Variants in GSE1 observed in about 807,000 individuals in gnomAD.
GSE1 encodes the protein genetic suppressor element 1.
A neutral mutation model predicts 112.6 loss-of-function variants in GSE1; 32 were observed. The ratio of observed to expected loss-of-function variants is 0.28; its 90% CI spans 0.21 to 0.38. The LOEUF is 0.38. Ranked by LOEUF, GSE1 falls within the 10% of genes least tolerant of loss-of-function variation. The pLI, the probability that GSE1 is intolerant of heterozygous loss-of-function variation, is 1.00. For missense variants in GSE1, 2,348 were observed against 1,699.2 expected (o/e 1.38, Z -6.71); for synonymous variants, 1,115 against 735.6 (o/e 1.52, Z -8.35).
At chr16:85,641,635 A>G (rs1598518424) in intron 2 of GSE1, among the ~76,000 whole-genome samples, 1 of 152,348 alleles carries the variant, frequency 6.6e-6, no homozygotes, top group South Asian at 2.1e-4. Context: ...TGACTCCAGA[A>G]GGTTTCCCAG....
At chr16:85,648,102 G>C (rs946482559) in intron 2 of GSE1, among the ~76,000 whole-genome samples, 2 of 151,990 alleles carry the variant, frequency 1.3e-5, no homozygotes, top group Non-Finnish European at 2.9e-5. Context: ...TGTGTCCTGG[G>C]ATGTCCACAG....
At chr16:85,331,333 GT>G (rs2046336458) in intron 1 of GSE1, among the ~76,000 whole-genome samples, 1 of 73,502 alleles carries the variant, frequency 1.4e-5, no homozygotes, top group Non-Finnish European at 3.0e-5. Context: ...CTGTGTGTGT[GT>G]GTGTGTGTGT....
chr16:85,661,675 T>C lies in GSE1; in HGVS notation c.2170T>C (p.Tyr724His). ...AGTGCCACGGGCCCCCGACCCTGCCTACATCTATGATGAGTTCCTGCAGCA... is the reference window on the plus strand; with the variant it reads ...AGTGCCACGGGCCCCCGACCCTGCCCACATCTATGATGAGTTCCTGCAGCA... ...PPVPRAPDPA[Y>H]IYDEFLQQRR... Residue 724 changes from tyrosine to histidine, a missense_variant, in exon 9 of 16, where the codon TAC becomes CAC. Tyr to His is a moderately conservative substitution (Grantham distance 83, BLOSUM62 2). Coordinates refer to ENST00000253458, the MANE Select transcript of GSE1 (RefSeq NM_014615.5). The C allele has an allele frequency of 6.2e-7, 1 of 1,610,658 alleles. No homozygotes were observed. Among genetic ancestry groups the C allele is most frequent in the Non-Finnish European group, 8.5e-7 (1 of 1,179,158 alleles).
In GSE1 at chr16:85,359,459, T is replaced by C. The variant is rs948857582; in HGVS notation, c.2464+1816T>C. 4 of 454,508 alleles carry C rather than the reference T, an allele frequency of 8.8e-6. No individual in the cohort carries two copies. In the Admixed American group the frequency reaches 9.5e-5, roughly 11 times the overall value. The allele number at this position is 454,508 out of a possible 1,614,324, so 28.2% of individuals were successfully genotyped here. On this transcript the variant is annotated intron_variant, in intron 2 of 2. Coordinates refer to the GSE1 transcript ENST00000637419. ...GGAGCAGGCCCACCCACTTCTTATC[T>C]GAGGGACCTTTGGCAAATGAATGAG...
chr16:85,636,699 T>C (rs1052423793), intron 2 of GSE1, among the ~76,000 whole-genome samples: 2 of 151,126 alleles, frequency 1.3e-5, no homozygotes, highest in Non-Finnish European at 3.0e-5. Context: ...GGGGGGGGGC[T>C]GGGAGAGCCG....
intron 1 of GSE1, among the ~76,000 whole-genome samples, chr16:85,282,664 G>A (rs1281073777): frequency 2.0e-5 from 3 of 152,220 alleles, no homozygotes; most frequent in Non-Finnish European, 4.4e-5. Context: ...TTTTTCCTTG[G>A]AGGATTTTTA....
chr16:85,507,976 C>T (rs1315954855), intron 2 of GSE1, among the ~76,000 whole-genome samples: 1 of 152,082 alleles, frequency 6.6e-6, no homozygotes, highest in Admixed American at 6.5e-5. Context: ...CCCAGTCCCC[C>T]AGAAGCCCCC....
chr16:85,647,880 C>T (rs1003375881), intron 2 of GSE1, among the ~76,000 whole-genome samples: 2 of 152,172 alleles, frequency 1.3e-5, no homozygotes, highest in Non-Finnish European at 2.9e-5. Context: ...CCACCGCGCC[C>T]GGCCAGTGCT....
At chr16:85,273,212 T>A (rs568535319) in intron 1 of GSE1, among the ~76,000 whole-genome samples, 16 of 152,006 alleles carry the variant, frequency 1.1e-4, no homozygotes, top group Admixed American at 7.9e-4. Context: ...ATCACTAGGG[T>A]TGGGGGTGGG....
intron 1 of GSE1, among the ~76,000 whole-genome samples, chr16:85,617,871 G>T (rs951200946): frequency 6.6e-6 from 1 of 152,108 alleles, no homozygotes; most frequent in Non-Finnish European, 1.5e-5. Flanking sequence ...ATTGGATGGA[G>T]AACCCTGGTG....
intron 1 of GSE1, among the ~76,000 whole-genome samples, chr16:85,629,082 A>T (rs1218732737): frequency 6.6e-6 from 1 of 152,076 alleles, no homozygotes; most frequent in African/African-American, 2.4e-5. Context: ...TCCCTCTCTC[A>T]CCACTGGATG....
intron 2 of GSE1, among the ~76,000 whole-genome samples, chr16:85,516,822 G>C (rs1598031614): frequency 6.9e-6 from 1 of 145,284 alleles, no homozygotes; most frequent in East Asian, 2.1e-4. Flanking sequence ...TTTTGAGACG[G>C]AGTCTCGCTC....
At chr16:85,484,763 A>G (rs1394141009) in intron 2 of GSE1, among the ~76,000 whole-genome samples, 2 of 152,110 alleles carry the variant, frequency 1.3e-5, no homozygotes, top group African/African-American at 4.8e-5. Flanking sequence ...CAGCCACTCC[A>G]CCTCTGCTCC....
intron 13 of GSE1, 26 bp downstream of exon 13, chr16:85,666,373 A>G: frequency 1.2e-6 from 2 of 1,612,502 alleles, no homozygotes; most frequent in Non-Finnish European, 1.7e-6. Flanking sequence ...GTCCCTGCTC[A>G]GCTCTCGGCT....
intron 1 of GSE1, among the ~76,000 whole-genome samples, chr16:85,597,125 C>T (rs1217314217): frequency 6.6e-6 from 1 of 151,596 alleles, no homozygotes; most frequent in African/African-American, 2.4e-5. Flanking sequence ...ATTCCAGGCG[C>T]CCGCCACCAT....
intron 1 of GSE1, among the ~76,000 whole-genome samples, chr16:85,243,532 C>G (rs1905329378): frequency 6.6e-6 from 1 of 152,200 alleles, no homozygotes; most frequent in African/African-American, 2.4e-5. Flanking sequence ...CTTGCACATG[C>G]CCTCCTGGAA....
chr16:85,214,612 ATGG>A (rs1253760303), intron 1 of GSE1, among the ~76,000 whole-genome samples: 1 of 151,932 alleles, frequency 6.6e-6, no homozygotes, highest in East Asian at 1.9e-4. Context: ...AAGCCACCAG[ATGG>A]TGGTTCTTTG....
chr16:85,332,002 A>G (rs2046385491), intron 1 of GSE1, among the ~76,000 whole-genome samples: 1 of 152,076 alleles, frequency 6.6e-6, no homozygotes, highest in Non-Finnish European at 1.5e-5. Flanking sequence ...TTCTGCATCC[A>G]GAGGGTGCTT....
At chr16:85,666,959 C>T (rs550504879) in intron 13 of GSE1, among the ~76,000 whole-genome samples, 56 of 152,374 alleles carry the variant, frequency 3.7e-4, no homozygotes, top group Admixed American at 1.4e-3. Context: ...CCATGCAAAT[C>T]AAGTCAAGTG....
Sources: gnomAD v4.1 joint callset for allele counts (sites outside exome capture counted in the v4.1 genomes callset) on GRCh38, gnomAD v4.1.1 for gene constraint, MANE v1.5 for transcripts, NCBI Gene and HGNC (gene_info 2026-07-23, HGNC 2026-07-21) for gene names.